Variants in MACROD2 observed in about 807,000 individuals in gnomAD.
MACROD2 encodes ADP-ribose glycohydrolase MACROD2.
In MACROD2, 36 loss-of-function variants were observed where a neutral mutation model predicts 70.4. That is an observed-to-expected ratio of 0.51 (90% CI 0.39 to 0.68). MACROD2 has a LOEUF of 0.68. MACROD2 is among the 30% of genes least tolerant of loss of function. MACROD2 has a pLI of 0.00. For missense variants in MACROD2, 496 were observed against 538.4 expected, an observed-to-expected ratio of 0.92 and a Z score of 0.78; for synonymous variants, 172 against 178.8, an observed-to-expected ratio of 0.96 and a Z score of 0.30.
chr20:14,808,001 C>A (rs575990261), intron 5 of MACROD2, among the ~76,000 whole-genome samples: 6 of 152,172 alleles, frequency 3.9e-5, no homozygotes, highest in African/African-American at 9.6e-5. Context: ...GAGAATGGAA[C>A]CAAGTTGGAA....
At chr20:15,672,043 G>A (rs541553298) in intron 8 of MACROD2, among the ~76,000 whole-genome samples, 1 of 152,132 alleles carries the variant, frequency 6.6e-6, no homozygotes, top group Non-Finnish European at 1.5e-5. Flanking sequence ...CAGACACACA[G>A]GATGCTGAGA....
chr20:15,389,827 T>C (rs766087993), intron 6 of MACROD2, among the ~76,000 whole-genome samples: 1 of 152,186 alleles, frequency 6.6e-6, no homozygotes, highest in Admixed American at 6.5e-5. Context: ...GTCAATAATA[T>C]AACTGTTCCT....
chr20:14,459,919 T>C (rs887830857), intron 3 of MACROD2, among the ~76,000 whole-genome samples: 1 of 152,010 alleles, frequency 6.6e-6, no homozygotes, highest in Non-Finnish European at 1.5e-5. Context: ...TGTTCCCTTC[T>C]CTGTGTCTAT....
At chr20:15,824,778 A>C (rs2063978744) in intron 8 of MACROD2, among the ~76,000 whole-genome samples, 1 of 152,216 alleles carries the variant, frequency 6.6e-6, no homozygotes, top group South Asian at 2.1e-4. Context: ...TTAGTTACTC[A>C]TGCAAGCTCT....
At chr20:15,768,018 C>T (rs2051555486) in intron 8 of MACROD2, among the ~76,000 whole-genome samples, 1 of 149,578 alleles carries the variant, frequency 6.7e-6, no homozygotes, top group Admixed American at 6.7e-5. Flanking sequence ...TTAGAATTAG[C>T]ATATTAGCAT....
At chr20:14,286,769 A>G (rs555124383) in intron 3 of MACROD2, among the ~76,000 whole-genome samples, 94 of 152,220 alleles carry the variant, frequency 6.2e-4, no homozygotes, top group African/African-American at 2.1e-3. Context: ...GCTCTGAAAG[A>G]TGCTTTATTT....
chr20:14,926,473 C>T (rs1007037531), intron 5 of MACROD2, among the ~76,000 whole-genome samples: 1 of 151,838 alleles, frequency 6.6e-6, no homozygotes, highest in Non-Finnish European at 1.5e-5. Context: ...TCACTTGAAC[C>T]CTGGAGGCAG....
intron 3 of MACROD2, among the ~76,000 whole-genome samples, chr20:14,387,919 G>A (rs1023953047): frequency 1.1e-4 from 17 of 151,892 alleles, no homozygotes; most frequent in African/African-American, 3.4e-4. Flanking sequence ...CTATTCAACC[G>A]TCATCTGTGA....
chr20:15,706,316 C>T (rs1703201492), intron 8 of MACROD2, among the ~76,000 whole-genome samples: 2 of 152,166 alleles, frequency 1.3e-5, no homozygotes, highest in African/African-American at 4.8e-5. Context: ...TCCATTGCTT[C>T]ATTTGTAAAG....
chr20:15,413,125 T>C (rs1442929294), intron 6 of MACROD2, among the ~76,000 whole-genome samples: 1 of 152,252 alleles, frequency 6.6e-6, no homozygotes, highest in East Asian at 1.9e-4. Flanking sequence ...CTGGATGTGC[T>C]AGCACAGCCA....
At chr20:14,938,749 C>G (rs2122700135) in intron 5 of MACROD2, among the ~76,000 whole-genome samples, 2 of 152,100 alleles carry the variant, frequency 1.3e-5, no homozygotes, top group Middle Eastern at 6.8e-3. Flanking sequence ...CCACTGCACT[C>G]CAGCGTGGGT....
rs1349153546 is a variant in MACROD2, at chr20:14,548,444, C to T, written c.301+54936C>T. Among the ~76,000 whole-genome samples the T allele has an allele frequency of 3.4e-4, 5 of 14,614 alleles. 2 individuals carry two copies. The highest frequency in any genetic ancestry group is 9.7e-4 in the Non-Finnish European group (5 of 5,180). 9.6% of individuals were successfully genotyped at this position (14,614 alleles called of 152,430 possible). ...CTATAAAATACATTATCTGGCCGGGCGCGGTGGCTCACGCCTGTAATCCCA... is the reference window on the plus strand; with the variant it reads ...CTATAAAATACATTATCTGGCCGGGTGCGGTGGCTCACGCCTGTAATCCCA... On this transcript the variant is annotated intron_variant, in intron 4 of 17. Transcript: ENST00000684519.
chr20:14,215,234 A>ATATATTCCATCATATATG (rs1298853798), intron 3 of MACROD2, among the ~76,000 whole-genome samples: 4 of 150,754 alleles, frequency 2.7e-5, no homozygotes, highest in Admixed American at 6.7e-5. Flanking sequence ...TCCATCATAT[A>ATATATTCCATCATATATG]TATATTCCAT....
intron 8 of MACROD2, among the ~76,000 whole-genome samples, chr20:15,626,322 T>C (rs1194171987): frequency 6.6e-6 from 1 of 152,042 alleles, no homozygotes; most frequent in Non-Finnish European, 1.5e-5. Flanking sequence ...TTCTTAGAGG[T>C]TTTTAAAAAT....
intron 8 of MACROD2, among the ~76,000 whole-genome samples, chr20:15,597,801 G>A (rs181866763): frequency 5.9e-5 from 9 of 152,182 alleles, no homozygotes; most frequent in African/African-American, 1.7e-4. Context: ...GAGGTCAGCC[G>A]GGCACGGTGG....
chr20:14,022,353 G>T (rs971597595), intron 2 of MACROD2, among the ~76,000 whole-genome samples: 1 of 151,484 alleles, frequency 6.6e-6, no homozygotes, highest in African/African-American at 2.4e-5. Flanking sequence ...GTTTTATCAT[G>T]TATCATCTTT....
intron 3 of MACROD2, among the ~76,000 whole-genome samples, chr20:14,490,920 AC>A (rs1314683932): frequency 6.6e-6 from 1 of 152,126 alleles, no homozygotes; most frequent in Non-Finnish European, 1.5e-5. Flanking sequence ...CAATTATCTC[AC>A]TATTATAAAA....
chr20:15,721,970 T>C (rs2050793600), intron 8 of MACROD2, among the ~76,000 whole-genome samples: 1 of 152,140 alleles, frequency 6.6e-6, no homozygotes, highest in South Asian at 2.1e-4. Flanking sequence ...TTGAATCTTA[T>C]ATAAATGAAA....
chr20:14,233,329 T>C (rs1030751327), intron 3 of MACROD2, among the ~76,000 whole-genome samples: 1 of 152,146 alleles, frequency 6.6e-6, no homozygotes, highest in African/African-American at 2.4e-5. Flanking sequence ...TTGTAAAACA[T>C]TCAATATCTG....
Sources: allele counts gnomAD v4.1 joint callset (sites outside exome capture counted in the v4.1 genomes callset), GRCh38; gene constraint gnomAD v4.1.1; transcripts MANE v1.5; gene names NCBI Gene and HGNC (gene_info 2026-07-23, HGNC 2026-07-21).